Variants in COL6A2 observed in about 807,000 individuals in gnomAD.
The protein encoded by COL6A2 is collagen alpha-2(VI) chain.
A neutral mutation model predicts 124.9 loss-of-function variants in COL6A2; 90 were observed. The ratio of observed to expected loss-of-function variants is 0.72; its 90% CI spans 0.61 to 0.86. The LOEUF (loss-of-function observed/expected upper bound fraction) is 0.86. COL6A2 is among the 40% of genes least tolerant of loss of function. COL6A2 has a pLI of 0.00. For missense variants in COL6A2, 1,607 were observed against 1,502.5 expected, an observed-to-expected ratio of 1.07 and a Z score of -1.15; for synonymous variants, 793 against 618.2, an observed-to-expected ratio of 1.28 and a Z score of -4.19.
chr21:46,112,586 C>T lies in COL6A2; in HGVS notation c.714+9C>T, dbSNP rs78822624. The T allele has an allele frequency of 0.047, 75,481 of 1,611,360 alleles. 2,028 individuals carry two copies. The highest frequency in any genetic ancestry group is 0.053 in the Non-Finnish European group (62,864 of 1,179,544). On this transcript the variant is annotated intron_variant, in intron 3 of 27. Coordinates refer to ENST00000300527, the MANE Select transcript of COL6A2 (RefSeq NM_001849.4). ...GCATCATCAAGGTCATGGTGAGCCGCGGGCGGGAGCACCGTCCACGCGCCA... is the reference window on the plus strand; with the variant it reads ...GCATCATCAAGGTCATGGTGAGCCGTGGGCGGGAGCACCGTCCACGCGCCA...
At chr21:46,129,183 C>T (rs200098676) in intron 27 of COL6A2, 55 of 1,612,818 alleles carry the variant, frequency 3.4e-5, no homozygotes, top group African/African-American at 1.6e-4. Flanking sequence ...CTTCTCTGGA[C>T]GCTCCCTTGC....
intron 27 of COL6A2, chr21:46,129,050 C>T: frequency 1.2e-6 from 2 of 1,600,242 alleles, no homozygotes; most frequent in Non-Finnish European, 1.7e-6. Context: ...CCGAGCCACA[C>T]ACCCGCTCCA....
At position 46,132,492 on chromosome 21, in the gene COL6A2, G is replaced by A. The variant is rs780794521; in HGVS notation, c.3000G>A (p.Lys1000=). The A allele has an allele frequency of 1.9e-6, 3 of 1,607,924 alleles. No individual in the cohort carries two copies. The highest frequency in any genetic ancestry group is 1.3e-5 in the African/African-American group (1 of 74,926). ...LGDRAAVFHE[K]DYDSLAQPGF... is the part of the protein sequence containing the mutation. ...ACCGCGCCGCCGTGTTCCACGAGAA[G>A]GACTATGACAGCCTGGCGCAACCCG... Residue 1000 remains lysine (K), a synonymous_variant, in exon 28 of 28, where the codon AAG becomes AAA. Coordinates refer to ENST00000300527, the MANE Select transcript of COL6A2 (RefSeq NM_001849.4).
intron 27 of COL6A2, chr21:46,129,062 C>T (rs2078719285): frequency 6.3e-7 from 1 of 1,599,912 alleles, no homozygotes; most frequent in Non-Finnish European, 8.5e-7. Context: ...CCCGCTCCAC[C>T]TGCATTTCCT....
chr21:46,119,842 G>A lies in COL6A2; in HGVS notation c.1324G>A (p.Gly442Arg). ...KGSPGSDGPK[G>R]EKGDPGPEGP... is the part of the protein sequence containing the mutation. ...CAGCCCAGGCAGCGATGGCCCCAAGGGGGAGAAGGTGAGTCCTCGTGTGGA... is the reference window on the plus strand; with the variant it reads ...CAGCCCAGGCAGCGATGGCCCCAAGAGGGAGAAGGTGAGTCCTCGTGTGGA... The change falls in exon 15 of 28, where the codon GGG becomes AGG. Residue 442 changes from glycine to arginine, a missense_variant. Around this residue, in one of 3 missense-constraint regions of COL6A2, gnomAD observed 1,223 missense variants for 1,052.2 expected, o/e 1.16. Transcript: ENST00000300527. 6.4e-7 allele frequency: 1 copy of A among 1,559,598 alleles called. No individual in the cohort carries two copies. The highest frequency in any genetic ancestry group is 8.7e-7 in the Non-Finnish European group (1 of 1,151,202).
chr21:46,124,039 AGT>A (rs1259290579), intron 21 of COL6A2, among the ~76,000 whole-genome samples: 1 of 124,842 alleles, frequency 8.0e-6, no homozygotes, highest in Non-Finnish European at 1.6e-5. Flanking sequence ...ACAGACGGAC[AGT>A]GGGTGGATGG....
In COL6A2 at chr21:46,125,248, C is replaced by T. The variant is rs2078642378; in HGVS notation, c.1771-18C>T. ...TGGGGCCCCGGGGGGACTACCCTGCCTGCCGTGTGCATTGCAGGAGTGTGA... is the reference window on the plus strand; with the variant it reads ...TGGGGCCCCGGGGGGACTACCCTGCTTGCCGTGTGCATTGCAGGAGTGTGA... On this transcript the variant is annotated intron_variant, in intron 23 of 27. Transcript: ENST00000300527. 1.9e-6 allele frequency: 3 copies of T among 1,611,280 alleles called. No individual in the cohort carries two copies. The highest frequency in any genetic ancestry group is 2.5e-6 in the Non-Finnish European group (3 of 1,178,900).
chr21:46,110,704 C>T (rs779989876), intron 1 of COL6A2, among the ~76,000 whole-genome samples: 16 of 58,392 alleles, frequency 2.7e-4, no homozygotes, highest in East Asian at 1.2e-3. Context: ...TGGAACTGCA[C>T]GCTCTGAACC....
chr21:46,099,455 CAAAAAAAAAAA>C (rs35690093), intron 1 of COL6A2, among the ~76,000 whole-genome samples: 3 of 68,700 alleles, frequency 4.4e-5, no homozygotes, highest in African/African-American at 5.7e-5. Flanking sequence ...GAGACTGTCT[CAAAAAAAAAAA>C]AAAAAAAAAA....
chr21:46,132,540 C>T lies in COL6A2; in HGVS notation c.3048C>T (p.Arg1016=). The T allele has an allele frequency of 1.2e-6, 2 of 1,603,712 alleles. No individual in the cohort carries two copies. Among genetic ancestry groups the T allele is most frequent in the Non-Finnish European group, 1.7e-6 (2 of 1,178,868 alleles). ...CCGGCTTCTTCGACCGCTTCATCCGCTGGATCTGCTAGCGCCGCCGCCCGG... is the reference window on the plus strand; with the variant it reads ...CCGGCTTCTTCGACCGCTTCATCCGTTGGATCTGCTAGCGCCGCCGCCCGG... ...AQPGFFDRFI[R]WIC is the part of the protein sequence containing the mutation. Residue 1016 remains arginine, a synonymous_variant, in exon 28 of 28, where the codon CGC becomes CGT. Coordinates refer to ENST00000300527, the MANE Select transcript of COL6A2 (RefSeq NM_001849.4).
chr21:46,132,370 T>C lies in COL6A2; in HGVS notation c.2878T>C (p.Ser960Pro), dbSNP rs2123455695. 1 of 1,609,162 alleles carries C rather than the reference T, an allele frequency of 6.2e-7. No homozygotes were observed. The highest frequency in any genetic ancestry group is 8.5e-7 in the Non-Finnish European group (1 of 1,179,478). Residue 960 changes from serine (S) to proline (P), a missense_variant, in exon 28 of 28, where the codon TCG becomes CCG. Transcript: ENST00000300527. Reference protein sequence around the residue: ...GVTGNDSLHESAHSMRKQNVV... With the variant: ...GVTGNDSLHEPAHSMRKQNVV... ...CACGGGCAACGACAGTCTGCACGAGTCGGCGCACTCCATGCGCAAGCAGAA... is the reference window on the plus strand; with the variant it reads ...CACGGGCAACGACAGTCTGCACGAGCCGGCGCACTCCATGCGCAAGCAGAA...
chr21:46,122,513 C>T lies in COL6A2; in HGVS notation c.1590C>T (p.Pro530=), dbSNP rs758975198. The T allele has an allele frequency of 8.1e-6, 13 of 1,612,716 alleles. No individual in the cohort carries two copies. In the East Asian group the frequency reaches 8.9e-5, roughly 11 times the overall value. The change falls in exon 20 of 28, where the codon CCC becomes CCT. Residue 530 remains proline (P), a synonymous_variant. Coordinates refer to ENST00000300527, the MANE Select transcript of COL6A2 (RefSeq NM_001849.4). ...PRGAPGEKGE[P]GPRGPEGGRG... is the part of the protein sequence containing the mutation. ...CTTCACAGGGAGAAAAAGGCGAGCC[C>T]GGCCCACGCGGCCCCGAGGTATGTG...
chr21:46,108,099 T>C (rs866942465), intron 1 of COL6A2, among the ~76,000 whole-genome samples: 1 of 138,648 alleles, frequency 7.2e-6, no homozygotes, highest in Middle Eastern at 3.6e-3. Flanking sequence ...TGTCTATATA[T>C]ATATATATTT....
In COL6A2 at chr21:46,122,541, G is replaced by C. The variant is rs556237490; in HGVS notation, c.1608+10G>C. 14 of 1,612,494 alleles carry C rather than the reference G, an allele frequency of 8.7e-6. No individual in the cohort carries two copies. The highest frequency in any genetic ancestry group is 3.3e-5 in the Admixed American group (2 of 59,978). ...CCCACGCGGCCCCGAGGTATGTGTG[G>C]GTCCTGGCCACCTGTGCCCACCCAG... On this transcript the variant is annotated intron_variant, in intron 20 of 27. Transcript: ENST00000300527.
intron 5 of COL6A2, among the ~76,000 whole-genome samples, chr21:46,114,381 C>T (rs532749108): frequency 2.7e-4 from 40 of 150,610 alleles, no homozygotes; most frequent in African/African-American, 6.8e-4. Flanking sequence ...GCAGAGATCA[C>T]GCCACTGCAC....
At chr21:46,125,667 T>C (rs768506233) in intron 25 of COL6A2, 50 bp downstream of exon 25, 3 of 1,590,582 alleles carry the variant, frequency 1.9e-6, no homozygotes, top group Non-Finnish European at 1.7e-6. Flanking sequence ...GGGCGGGGCG[T>C]GGGAGGCGAT....
rs2078473559 is a variant in COL6A2 at position 46,116,574 on chromosome 21, C to T, written c.928-77C>T. ...TGTGGCCTTGAGTTTGGCCCAAGGG[C>T]TTTGCCCCCCAGAGGCAGCAGTGCC... On this transcript the variant is annotated intron_variant, in intron 8 of 27. Transcript: ENST00000300527. This position sits in a 1 kb window ranked among gnomAD's most constrained non-coding sequence, Gnocchi z 4.6. The T allele has an allele frequency of 6.2e-7, 1 of 1,606,392 alleles. No homozygotes were observed. The highest frequency in any genetic ancestry group is 1.3e-5 in the African/African-American group (1 of 74,830).
intron 1 of COL6A2, among the ~76,000 whole-genome samples, chr21:46,110,568 G>A (rs2078384263): frequency 6.6e-6 from 1 of 152,092 alleles, no homozygotes. Context: ...ATCCACTCCA[G>A]ACGCCGCAAA....
rs766048183 is a variant in COL6A2, at chr21:46,113,455, C to A, written c.736-553C>A. Among the ~76,000 whole-genome samples, 50 of 151,880 alleles carry A rather than the reference C, an allele frequency of 3.3e-4. 1 individual carries two copies. Among genetic ancestry groups the A allele is most frequent in the Admixed American group, 1.6e-3 (24 of 15,302 alleles). On this transcript the variant is annotated intron_variant, in intron 4 of 27. Transcript: ENST00000300527. ...GCAGTGGTACGATCACGGCTCACTG[C>A]AGCCTTGAACTCTGAGGCTCAAGCC...
Sources: allele counts gnomAD v4.1 joint callset (sites outside exome capture counted in the v4.1 genomes callset), GRCh38; gene constraint gnomAD v4.1.1; regional missense constraint gnomAD v4.1.1; non-coding constraint Gnocchi (gnomAD v3.1); transcripts MANE v1.5; gene names NCBI Gene and HGNC (gene_info 2026-07-23, HGNC 2026-07-21).